The following UQCC1 variants were observed in gnomAD, a reference collection of about 807,000 sequenced individuals.
UQCC1 encodes bFGF-repressed Zic-binding protein.
A neutral mutation model predicts 48.0 loss-of-function variants in UQCC1; 38 were observed. That is an observed-to-expected ratio of 0.79 (90% CI 0.61 to 1.04). The LOEUF (loss-of-function observed/expected upper bound fraction) is 1.04, where lower values mean the gene tolerates loss of function less well. UQCC1 is among the 50% of genes least tolerant of loss of function. UQCC1 has a pLI of 0.00. For missense variants in UQCC1, 368 were observed against 381.8 expected (o/e 0.96, Z 0.30); for synonymous variants, 111 against 129.2 (o/e 0.86, Z 0.95).
intron 1 of UQCC1, among the ~76,000 whole-genome samples, chr20:35,395,817 G>A (rs2062069239): frequency 6.6e-6 from 1 of 151,982 alleles, no homozygotes; most frequent in Non-Finnish European, 1.5e-5. Context: ...TTTCTCCAAG[G>A]ATAAGATAAA....
intron 7 of UQCC1, among the ~76,000 whole-genome samples, chr20:35,336,141 G>A (rs2061314327): frequency 6.6e-6 from 1 of 152,246 alleles, no homozygotes; most frequent in Non-Finnish European, 1.5e-5. Flanking sequence ...GCCAATGCTA[G>A]AGCCATAGTT....
At chr20:35,375,188 C>T (rs1226313274) in intron 4 of UQCC1, among the ~76,000 whole-genome samples, 2 of 151,990 alleles carry the variant, frequency 1.3e-5, no homozygotes, top group South Asian at 4.2e-4. Context: ...CTGAGAATGA[C>T]ATAGCAACTG....
rs57141083 is a variant in UQCC1 at position 35,384,966 on chromosome 20, C to CAAAAAAAA, written c.130-841_130-834dup. Among the ~76,000 whole-genome samples the CAAAAAAAA allele has an allele frequency of 2.1e-3, 143 of 69,744 alleles. 8 individuals carry two copies. The highest frequency in any genetic ancestry group is 8.7e-3 in the African/African-American group (138 of 15,944). 45.8% of individuals were successfully genotyped at this position (69,744 alleles called of 152,430 possible). ...TGGGCAACACAGCAAGAATCGGTCT[C>CAAAAAAAA]AAAAAAAAAAAAAAAAAAAAAAAAA... On this transcript the variant is annotated intron_variant, in intron 2 of 9. Transcript: ENST00000374385.
chr20:35,410,992 A>C (rs989706432), intron 1 of UQCC1, among the ~76,000 whole-genome samples: 7 of 152,036 alleles, frequency 4.6e-5, no homozygotes, highest in Non-Finnish European at 8.8e-5. Flanking sequence ...TCGTCCTTGT[A>C]AGACATATAT....
chr20:35,380,896 A>G (rs139697340), intron 4 of UQCC1, among the ~76,000 whole-genome samples: 156 of 152,364 alleles, frequency 1.0e-3, no homozygotes, highest in African/African-American at 3.6e-3. Context: ...AAATCCAAAA[A>G]TCCAAAATGC....
intron 7 of UQCC1, among the ~76,000 whole-genome samples, chr20:35,336,164 C>T (rs1486362464): frequency 2.0e-5 from 3 of 152,192 alleles, no homozygotes; most frequent in African/African-American, 7.2e-5. Flanking sequence ...TAGTTTCGTA[C>T]AGAGTAGTAA....
chr20:35,347,280 G>C lies in UQCC1; in HGVS notation c.465-8C>G, dbSNP rs755401026. ...ATTCGGACTAGACACATCCTGGGTG[G>C]GAAGAAGACAAAAAAAGTCTTGGCT... On this transcript the variant is annotated splice_polypyrimidine_tract_variant and splice_region_variant and intron_variant, in intron 6 of 9. Coordinates refer to ENST00000374385, the MANE Select transcript of UQCC1 (RefSeq NM_018244.5). The C allele has an allele frequency of 1.7e-5, 28 of 1,612,916 alleles. No individual in the cohort carries two copies. Among genetic ancestry groups the C allele is most frequent in the Non-Finnish European group, 2.1e-5 (25 of 1,179,214 alleles).
At chr20:35,381,671 A>AAG (rs1299701916) in intron 4 of UQCC1, among the ~76,000 whole-genome samples, 3 of 152,188 alleles carry the variant, frequency 2.0e-5, no homozygotes, top group Non-Finnish European at 2.9e-5. Flanking sequence ...CTCTTCAACC[A>AAG]AGAACACAGC....
At chr20:35,369,335 T>C (rs574786801) in intron 5 of UQCC1, among the ~76,000 whole-genome samples, 1 of 152,366 alleles carries the variant, frequency 6.6e-6, no homozygotes, top group African/African-American at 2.4e-5. Flanking sequence ...GACTGTGAAC[T>C]ATGCAAAAAT....
chr20:35,403,841 C>CA (rs1486946177), intron 1 of UQCC1, among the ~76,000 whole-genome samples: 1 of 152,102 alleles, frequency 6.6e-6, no homozygotes, highest in Non-Finnish European at 1.5e-5. Flanking sequence ...TGTTCTCACT[C>CA]AGAGGTGGGA....
chr20:35,382,027 T>A lies in UQCC1; in HGVS notation c.226-2A>T. The A allele has an allele frequency of 6.3e-7, 1 of 1,576,670 alleles. No homozygotes were observed. Among genetic ancestry groups the A allele is most frequent in the Non-Finnish European group, 8.6e-7 (1 of 1,164,788 alleles). ...TGGGGAATCTTTGGTAGTAGAAAGC[T>A]GATTAACCAAAAAGAAAAAAACTAA... On this transcript the variant is annotated splice_acceptor_variant, in intron 3 of 9. Transcript: ENST00000374385. LOFTEE classifies it high-confidence loss of function.
In UQCC1 at chr20:35,410,852, C is replaced by T. The variant is rs1788875105; in HGVS notation, c.24+1088G>A. On this transcript the variant is annotated intron_variant, in intron 1 of 9. Transcript: ENST00000374385. ...TCTGAATCAATTTCTGGCCTGAAAT[C>T]AAACAATCACTTCACCAGGTGAATC... Among the ~76,000 whole-genome samples, 6 of 147,492 alleles carry T rather than the reference C, an allele frequency of 4.1e-5. No homozygotes were observed. The Admixed American group carries it at 4.1e-4, about 10-fold the overall frequency.
intron 6 of UQCC1, among the ~76,000 whole-genome samples, chr20:35,358,380 A>G (rs928698710): frequency 7.8e-6 from 1 of 128,178 alleles, no homozygotes; most frequent in African/African-American, 2.7e-5. Context: ...AAAAAAAAAA[A>G]GCAAAGTATC....
intron 6 of UQCC1, among the ~76,000 whole-genome samples, chr20:35,357,289 G>A (rs986879578): frequency 2.0e-4 from 30 of 152,214 alleles, no homozygotes; most frequent in Admixed American, 1.5e-3. Flanking sequence ...GGGAGGCTGA[G>A]GCAGGCAGAT....
At chr20:35,387,642 G>C (rs935443022) in intron 2 of UQCC1, among the ~76,000 whole-genome samples, 4 of 152,110 alleles carry the variant, frequency 2.6e-5, no homozygotes, top group Admixed American at 2.6e-4. Context: ...TTAGCTTGGA[G>C]AAAAGGCAAC....
intron 7 of UQCC1, among the ~76,000 whole-genome samples, chr20:35,333,003 G>A (rs2061274339): frequency 6.6e-6 from 1 of 152,024 alleles, no homozygotes; most frequent in African/African-American, 2.4e-5. Flanking sequence ...TTCTATCAAT[G>A]GATCAGTTAG....
chr20:35,391,816 T>C (rs2062018005), intron 2 of UQCC1, among the ~76,000 whole-genome samples: 1 of 152,160 alleles, frequency 6.6e-6, no homozygotes, highest in African/African-American at 2.4e-5. Flanking sequence ...TGCACCATGG[T>C]TATGTAAGAG....
chr20:35,306,607 G>A (rs2060931049), intron 9 of UQCC1, 59 bp downstream of exon 9: 1 of 1,324,490 alleles, frequency 7.6e-7, no homozygotes, highest in Non-Finnish European at 1.1e-6. Context: ...TCCCCTGAAA[G>A]CCCAAGAGGA....
At chr20:35,373,687 C>CAAA (rs5841203) in intron 5 of UQCC1, among the ~76,000 whole-genome samples, 7 of 86,256 alleles carry the variant, frequency 8.1e-5, no homozygotes, top group African/African-American at 1.8e-4. Context: ...GACTCCATCT[C>CAAA]AAAAAAAAAA....
Sources: allele counts gnomAD v4.1 joint callset (sites outside exome capture counted in the v4.1 genomes callset), GRCh38; gene constraint gnomAD v4.1.1; transcripts MANE v1.5; gene names NCBI Gene and HGNC (gene_info 2026-07-23, HGNC 2026-07-21).